ARHGEF33: variants seen among roughly 807,000 people sequenced by gnomAD.
ARHGEF33 encodes DH and coiled-coil domain-containing protein ENSP00000381780.
In ARHGEF33, 72 loss-of-function variants were observed where a neutral mutation model predicts 101.9. The ratio of observed to expected loss-of-function variants is 0.71; its 90% confidence interval spans 0.58 to 0.86. The LOEUF (loss-of-function observed/expected upper bound fraction) is 0.86. Ranked by LOEUF, ARHGEF33 falls within the 40% of genes least tolerant of loss-of-function variation. The pLI is 0.00. For synonymous variants in ARHGEF33, 499 were observed against 442.5 expected, an observed-to-expected ratio of 1.13 and a Z score of -1.60; for missense variants, 1,169 against 1,111.3, an observed-to-expected ratio of 1.05 and a Z score of -0.74.
intron 10 of ARHGEF33, among the ~76,000 whole-genome samples, chr2:38,945,736 C>T (rs182865348): frequency 9.2e-5 from 14 of 152,248 alleles, no homozygotes; most frequent in East Asian, 7.7e-4. Context: ...TCTGGGGAGG[C>T]GGGGTAAGTC....
chr2:38,953,245 G>A lies in ARHGEF33; in HGVS notation c.1137G>A (p.Glu379=). 6.6e-7 allele frequency: 1 copy of A among 1,511,868 alleles called. No individual in the cohort carries two copies. Among genetic ancestry groups the A allele is most frequent in the Non-Finnish European group, 9.0e-7 (1 of 1,110,346 alleles). 93.7% of individuals were successfully genotyped at this position (1,511,868 alleles called of 1,614,324 possible). A position where few individuals can be genotyped will look rare whatever the true frequency, so the allele number is the denominator to read the frequency against. The change falls in exon 12 of 18, where the codon GAG becomes GAA. Residue 379 remains glutamate, a splice_region_variant and synonymous_variant. Coordinates refer to ENST00000409978, the MANE Select transcript of ARHGEF33 (RefSeq NM_001145451.5). ...ISLVHVVVLK[E]GDEEIKSDIY... is the part of the protein sequence containing the mutation. ...TGGTTCATGTTGTAGTCCTGAAAGAGGTGAGTTAACGCCATATATATGCTA... is the reference window on the plus strand; with the variant it reads ...TGGTTCATGTTGTAGTCCTGAAAGAAGTGAGTTAACGCCATATATATGCTA...
chr2:38,910,129 C>G lies in ARHGEF33; in HGVS notation c.-85-9234C>G, dbSNP rs190672664. Reference sequence around the variant, plus strand: ...ACCTTCCTGTGATATTATGCTGAATCATTTCCTATTGGGGAGTAGATATTT... The same window carrying G: ...ACCTTCCTGTGATATTATGCTGAATGATTTCCTATTGGGGAGTAGATATTT... On this transcript the variant is annotated intron_variant, in intron 2 of 17. Transcript: ENST00000409978. Among the ~76,000 whole-genome samples the G allele has an allele frequency of 4.1e-3, 632 of 152,290 alleles. 5 individuals are homozygous for G. The highest frequency in any genetic ancestry group is 0.015 in the African/African-American group (604 of 41,542).
intron 8 of ARHGEF33, among the ~76,000 whole-genome samples, chr2:38,936,588 G>T (rs998149640): frequency 1.3e-5 from 2 of 152,142 alleles, no homozygotes; most frequent in African/African-American, 4.8e-5. Flanking sequence ...AGAAACAGAG[G>T]GAACCCCGTG....
chr2:38,893,493 A>G (rs981105834), intron 1 of ARHGEF33, among the ~76,000 whole-genome samples: 1 of 152,150 alleles, frequency 6.6e-6, no homozygotes, highest in Non-Finnish European at 1.5e-5. Context: ...GTTTCTACAT[A>G]TCATGCAAAG....
At chr2:38,941,827 G>A (rs1164684989) in intron 9 of ARHGEF33, among the ~76,000 whole-genome samples, 1 of 152,096 alleles carries the variant, frequency 6.6e-6, no homozygotes, top group Non-Finnish European at 1.5e-5. Context: ...TTACAGGTGT[G>A]AGCCACTGTG....
At chr2:38,939,612 A>G (rs115913953) in intron 9 of ARHGEF33, among the ~76,000 whole-genome samples, 1,679 of 152,276 alleles carry the variant, frequency 0.011, 32 homozygotes, top group African/African-American at 0.038. Flanking sequence ...TATGCTTATT[A>G]GCTATTCATA....
At chr2:38,955,115 C>G (rs1315716797) in intron 13 of ARHGEF33, among the ~76,000 whole-genome samples, 1 of 152,198 alleles carries the variant, frequency 6.6e-6, no homozygotes, top group Non-Finnish European at 1.5e-5. Flanking sequence ...ATGCCACCAC[C>G]TGACATCTAA....
chr2:38,908,601 G>A (rs946076167), intron 2 of ARHGEF33, among the ~76,000 whole-genome samples: 3 of 152,182 alleles, frequency 2.0e-5, no homozygotes, highest in Non-Finnish European at 2.9e-5. Context: ...TGCCAGTGGA[G>A]TGAGGATGGA....
chr2:38,891,422 T>C (rs539822446), intron 1 of ARHGEF33, among the ~76,000 whole-genome samples: 1 of 152,232 alleles, frequency 6.6e-6, no homozygotes, highest in South Asian at 2.1e-4. Flanking sequence ...TCTTTTTCTT[T>C]AATGACAGCA....
At chr2:38,899,057 A>G (rs1666184229) in intron 2 of ARHGEF33, among the ~76,000 whole-genome samples, 1 of 152,084 alleles carries the variant, frequency 6.6e-6, no homozygotes, top group South Asian at 2.1e-4. Context: ...TCTTCTTGCT[A>G]TTAATACGAA....
In ARHGEF33 at chr2:38,973,932, C is replaced by CTA. The variant is rs141703594; in HGVS notation, c.*105_*106dup. The stretch of plus-strand genomic sequence containing the variant: ...TAGGAATATATATATATATCTATAT[C>CTA]TATATATATATATATATCGATGTAT... On this transcript the variant is annotated 3_prime_UTR_variant, in exon 18 of 18. Transcript: ENST00000409978. The CTA allele has an allele frequency of 0.011, 7,064 of 620,574 alleles. 2 individuals carry two copies. The highest frequency in any genetic ancestry group is 0.014 in the East Asian group (209 of 14,790). 38.4% of individuals were successfully genotyped at this position (620,574 alleles called of 1,614,324 possible). A position where few individuals can be genotyped will look rare whatever the true frequency, so the allele number is the denominator to read the frequency against.
intron 16 of ARHGEF33, among the ~76,000 whole-genome samples, chr2:38,961,635 C>T (rs988139521): frequency 5.3e-5 from 8 of 152,126 alleles, no homozygotes; most frequent in African/African-American, 1.9e-4. Context: ...ACACTGAGTT[C>T]TTGTCTTGTA....
chr2:38,948,443 A>G (rs1203378307), intron 10 of ARHGEF33, among the ~76,000 whole-genome samples: 1 of 152,104 alleles, frequency 6.6e-6, no homozygotes, highest in Non-Finnish European at 1.5e-5. Context: ...TGGGCAGTCC[A>G]GGAGGAGATT....
chr2:38,913,988 T>G lies in ARHGEF33; in HGVS notation c.-85-5375T>G, dbSNP rs141563868. The stretch of plus-strand genomic sequence containing the variant: ...AATTGACAGACGAGCAAATCTAAAC[T>G]TATAGTAAGTATACGATATAGAGAT... On this transcript the variant is annotated intron_variant, in intron 2 of 17. Transcript: ENST00000409978. Among the ~76,000 whole-genome samples the G allele has an allele frequency of 2.9e-3, 433 of 151,922 alleles. 2 individuals are homozygous for G. Among genetic ancestry groups the G allele is most frequent in the African/African-American group, 0.01 (419 of 41,506 alleles).
chr2:38,958,165 AC>A lies in ARHGEF33; in HGVS notation c.1505del (p.Pro502LeufsTer13). The stretch of plus-strand genomic sequence containing the variant: ...CACTCAGAAGAGTTGCTGCAACCCT[AC>A]CCTTCTGCTCCCAGTTCTGGCCCTG... ...GIHSEELLQP[Y>X]PSAPSSGPAI... is the part of the protein sequence containing the mutation. On this transcript the variant is annotated frameshift_variant, in exon 15 of 18. Transcript: ENST00000409978. LOFTEE classifies it high-confidence loss of function. The A allele has an allele frequency of 1.3e-6, 2 of 1,551,490 alleles. No individual in the cohort carries two copies. The highest frequency in any genetic ancestry group is 1.7e-6 in the Non-Finnish European group (2 of 1,146,958).
intron 6 of ARHGEF33, 104 bp downstream of exon 6, chr2:38,929,934 A>G: frequency 1.0e-6 from 1 of 960,670 alleles, no homozygotes; most frequent in Non-Finnish European, 1.5e-6. Context: ...CTAGCTGGCC[A>G]CTGTGCTCCA....
intron 10 of ARHGEF33, among the ~76,000 whole-genome samples, chr2:38,949,690 A>G (rs987427819): frequency 6.6e-6 from 1 of 152,214 alleles, no homozygotes. Context: ...TCACATTGCT[A>G]TAAAGAATAG....
In ARHGEF33 at chr2:38,951,112, A is replaced by G. The variant is rs1409774322; in HGVS notation, c.1044A>G (p.Thr348=). ...TTGGAGATTTATTCCTTAAGTTAAC[A>G]AATGACGAGGTAAGGTTTTTTCTGC... is the stretch of plus-strand genomic sequence containing the variant. The part of the protein sequence containing the change: ...GVLGDLFLKL[T]NDENNFLDYY... Residue 348 remains threonine, a synonymous_variant, in exon 11 of 18, where the codon ACA becomes ACG. Transcript: ENST00000409978. 6 of 1,551,580 alleles carry G rather than the reference A, an allele frequency of 3.9e-6. No individual in the cohort carries two copies. The highest frequency in any genetic ancestry group is 3.9e-5 in the Admixed American group (2 of 50,980).
Position 38,928,913 on chromosome 2 carries a change from G to A in ARHGEF33, c.82G>A (p.Ala28Thr), listed in dbSNP as rs377309040. ...CTTTTCATGCATTATTTAGTTGCAG[G>A]CCCTAGCCTCCGAACTCAAAACTGG... is the stretch of plus-strand genomic sequence containing the variant. ...NPSTQIYQLQ[A>T]LASELKTGFT... Residue 28 changes from alanine to threonine, a missense_variant, in exon 5 of 18, where the codon GCC becomes ACC. Ala to Thr is a moderately conservative substitution (Grantham distance 58). Transcript: ENST00000409978. 3.9e-6 allele frequency: 6 copies of A among 1,548,912 alleles called. No homozygotes were observed. The highest frequency in any genetic ancestry group is 5.2e-6 in the Non-Finnish European group (6 of 1,145,830).
Sources: allele counts gnomAD v4.1 joint callset (sites outside exome capture counted in the v4.1 genomes callset), GRCh38; gene constraint gnomAD v4.1.1; transcripts MANE v1.5; gene names NCBI Gene and HGNC (gene_info 2026-07-23, HGNC 2026-07-21).